Variants in FAM107B observed in about 807,000 individuals in gnomAD.
FAM107B encodes protein FAM107B.
FAM107B carries 21 observed loss-of-function variants against 31.5 expected under a neutral mutation model. That is an observed-to-expected ratio of 0.67 (90% CI 0.47 to 0.96). The LOEUF is 0.96. FAM107B is among the 40% of genes least tolerant of loss of function. The probability of loss-of-function intolerance (pLI) is 0.00; values close to 1 mark genes in which losing one functional copy is unlikely to be tolerated. For missense variants in FAM107B, 452 were observed against 377.1 expected, an observed-to-expected ratio of 1.20 and a Z score of -1.64; for synonymous variants, 157 against 141.5, an observed-to-expected ratio of 1.11 and a Z score of -0.78.
intron 2 of FAM107B, among the ~76,000 whole-genome samples, chr10:14,552,449 C>G (rs185717978): frequency 2.0e-3 from 296 of 146,254 alleles, no homozygotes; most frequent in African/African-American, 7.3e-3. Flanking sequence ...CAGTGATCCA[C>G]TACCCACACA....
At chr10:14,697,128 T>C (rs995453612) in intron 1 of FAM107B, among the ~76,000 whole-genome samples, 33 of 152,330 alleles carry the variant, frequency 2.2e-4, no homozygotes, top group African/African-American at 7.7e-4. Flanking sequence ...GAGCCAGTTC[T>C]GTGCTTGGGG....
At chr10:14,598,857 G>C (rs192218346) in intron 2 of FAM107B, among the ~76,000 whole-genome samples, 218 of 152,288 alleles carry the variant, frequency 1.4e-3, no homozygotes, top group Middle Eastern at 6.8e-3. Flanking sequence ...CCTCACAGAT[G>C]AGAATACTAG....
chr10:14,684,269 A>G (rs531189957), intron 1 of FAM107B, among the ~76,000 whole-genome samples: 28 of 152,290 alleles, frequency 1.8e-4, no homozygotes, highest in African/African-American at 6.7e-4. Flanking sequence ...CCTGGCCAAC[A>G]TGGTGAAACC....
At position 14,591,413 on chromosome 10, in the gene FAM107B, A is replaced by G. The variant is rs1236030287; in HGVS notation, c.470-60898T>C. Among the ~76,000 whole-genome samples the G allele has an allele frequency of 3.3e-5, 5 of 152,224 alleles. No individual in the cohort carries two copies. The East Asian group carries it at 9.6e-4, about 29-fold the overall frequency. On this transcript the variant is annotated intron_variant, in intron 2 of 4. Transcript: ENST00000181796. ...AACTTTAATAACAGGAGGCGCTCAC[A>G]GTAACTGCAAGAGCCAAGCCAATCT...
chr10:14,678,803 C>T (rs1854754155), intron 1 of FAM107B, among the ~76,000 whole-genome samples: 1 of 152,240 alleles, frequency 6.6e-6, no homozygotes, highest in African/African-American at 2.4e-5. Context: ...CCTCAGCCCT[C>T]ATGTTCTGGG....
chr10:14,553,059 A>G (rs1849400681), intron 2 of FAM107B, among the ~76,000 whole-genome samples: 1 of 152,180 alleles, frequency 6.6e-6, no homozygotes, highest in South Asian at 2.1e-4. Flanking sequence ...TCTCTTCCAA[A>G]TGGGAAACAT....
intron 1 of FAM107B, among the ~76,000 whole-genome samples, chr10:14,693,454 G>T (rs968711261): frequency 6.7e-6 from 1 of 150,034 alleles, no homozygotes; most frequent in South Asian, 2.2e-4. Context: ...CTCCAGCCTC[G>T]GCGACAGAGT....
intron 1 of FAM107B, among the ~76,000 whole-genome samples, chr10:14,730,063 A>G (rs1355487442): frequency 2.0e-5 from 3 of 152,144 alleles, no homozygotes; most frequent in Non-Finnish European, 4.4e-5. Context: ...AGGGAGGGAG[A>G]GCATTAGGAC....
intron 1 of FAM107B, among the ~76,000 whole-genome samples, chr10:14,711,190 C>T (rs61688202): frequency 0.064 from 9,791 of 152,156 alleles, 635 homozygotes; most frequent in African/African-American, 0.17. Flanking sequence ...GGATTACAGG[C>T]GTGAGCCACT....
chr10:14,618,224 T>G (rs1357349673), intron 2 of FAM107B, among the ~76,000 whole-genome samples: 1 of 152,220 alleles, frequency 6.6e-6, no homozygotes, highest in African/African-American at 2.4e-5. Context: ...CTCTATGTTC[T>G]TGGGTGTATC....
intron 1 of FAM107B, among the ~76,000 whole-genome samples, chr10:14,749,505 T>C (rs185121849): frequency 2.0e-4 from 30 of 152,320 alleles, no homozygotes; most frequent in Non-Finnish European, 3.8e-4. Context: ...AAACACATAC[T>C]TCATTATATA....
At chr10:14,758,773 G>A (rs1323886506) in intron 1 of FAM107B, among the ~76,000 whole-genome samples, 4 of 151,698 alleles carry the variant, frequency 2.6e-5, no homozygotes, top group African/African-American at 9.7e-5. Flanking sequence ...GACTTTGGGA[G>A]GCTGAGGCGA....
At chr10:14,687,652 G>A (rs1855022133) in intron 1 of FAM107B, among the ~76,000 whole-genome samples, 1 of 151,294 alleles carries the variant, frequency 6.6e-6, no homozygotes, top group Non-Finnish European at 1.5e-5. Flanking sequence ...GGGGAGGGCT[G>A]GGGAGGGGCA....
intron 2 of FAM107B, among the ~76,000 whole-genome samples, chr10:14,621,316 C>A (rs1853005127): frequency 6.6e-6 from 1 of 152,114 alleles, no homozygotes. Context: ...CTTACTTTTT[C>A]TGTTTAACAG....
In FAM107B at chr10:14,648,710, A is replaced by G. The variant is rs1034127802; in HGVS notation, c.469+18924T>C. On this transcript the variant is annotated intron_variant, in intron 2 of 4. Coordinates refer to ENST00000181796, the MANE Select transcript of FAM107B (RefSeq NM_031453.4). ...CCCACAACCCACATGTAATTTTACT[A>G]TCAGTTCTTTGAGAATGAGATACTG... Among the ~76,000 whole-genome samples the G allele has an allele frequency of 2.8e-4, 42 of 152,246 alleles. 1 individual carries two copies. Among genetic ancestry groups the G allele is most frequent in the Admixed American group, 6.5e-5 (1 of 15,286 alleles).
At chr10:14,578,621 T>C (rs560584320) in intron 2 of FAM107B, among the ~76,000 whole-genome samples, 1 of 152,160 alleles carries the variant, frequency 6.6e-6, no homozygotes, top group East Asian at 1.9e-4. Flanking sequence ...TTTTCCGGAG[T>C]CCGGAAGCAG....
Position 14,663,887 on chromosome 10 carries a change from C to CAAAAAAA in FAM107B, c.469+3740_469+3746dup, listed in dbSNP as rs3035297. ...GATGCCCAAGAATTAGATCATCAGC[C>CAAAAAAA]AAAAAAAAAAAAAAAAAAAAAAAAA... On this transcript the variant is annotated intron_variant, in intron 2 of 4. Transcript: ENST00000181796. Among the ~76,000 whole-genome samples the CAAAAAAA allele has an allele frequency of 2.9e-4, 23 of 80,374 alleles. 2 individuals are homozygous for CAAAAAAA. Among genetic ancestry groups the CAAAAAAA allele is most frequent in the African/African-American group, 5.7e-4 (10 of 17,458 alleles). The allele number at this position is 80,374 out of a possible 152,430, so 52.7% of individuals were successfully genotyped here.
Position 14,708,146 on chromosome 10 carries a change from C to T in FAM107B, c.412-40455G>A, listed in dbSNP as rs1012695522. ...AGGCTATAGTGAAGTGGCACAATCT[C>T]GGCTCACTGAAAACTCCGCCTCCCA... On this transcript the variant is annotated intron_variant, in intron 1 of 4. Coordinates refer to ENST00000181796, the MANE Select transcript of FAM107B (RefSeq NM_031453.4). Among the ~76,000 whole-genome samples, 6 of 152,086 alleles carry T rather than the reference C, an allele frequency of 3.9e-5. No individual in the cohort carries two copies. In the South Asian group the frequency reaches 6.2e-4, roughly 16 times the overall value.
At chr10:14,716,053 T>A (rs537890116) in intron 1 of FAM107B, among the ~76,000 whole-genome samples, 1 of 152,326 alleles carries the variant, frequency 6.6e-6, no homozygotes, top group African/African-American at 2.4e-5. Flanking sequence ...TCTACAGATA[T>A]TCCTGATGAG....
Sources: allele counts gnomAD v4.1 joint callset (sites outside exome capture counted in the v4.1 genomes callset), GRCh38; gene constraint gnomAD v4.1.1; transcripts MANE v1.5; gene names NCBI Gene and HGNC (gene_info 2026-07-23, HGNC 2026-07-21).